RASGEF1C: variants seen among roughly 807,000 people sequenced by gnomAD.
The protein encoded by RASGEF1C is ras-GEF domain-containing family member 1C.
Under a neutral mutation model 58.1 loss-of-function variants are expected in RASGEF1C, and 27 were observed. The ratio of observed to expected loss-of-function variants is 0.46; its 90% CI spans 0.34 to 0.64. The LOEUF (loss-of-function observed/expected upper bound fraction) is 0.64, where lower values mean the gene tolerates loss of function less well. Among genes scored for constraint, RASGEF1C ranks in the 30% least tolerant of loss-of-function variants. The pLI is 0.01. For missense variants in RASGEF1C, 502 were observed against 605.1 expected (o/e 0.83, Z 1.79); for synonymous variants, 243 against 246.3 (o/e 0.99, Z 0.13).
intron 13 of RASGEF1C, 137 bp from the exon 14 acceptor site, chr5:180,101,662 C>CT: frequency 3.6e-6 from 4 of 1,097,006 alleles, no homozygotes; most frequent in Non-Finnish European, 5.3e-6. Flanking sequence ...CTGCAAATCC[C>CT]TGGGGCTCAG....
Position 180,209,121 on chromosome 5 carries a change from C to T in RASGEF1C, c.-100G>A, listed in dbSNP as rs1306150590. ...GGACCGGGGCGCCGCCCGCCGCCGC[C>T]GCCGCCGCCGCCGCCGCCGCCGCCG... is the stretch of plus-strand genomic sequence containing the variant. On this transcript the variant is annotated 5_prime_UTR_variant, in exon 1 of 14. Coordinates refer to ENST00000361132, the MANE Select transcript of RASGEF1C (RefSeq NM_175062.4). 1 of 6,806 alleles carries T rather than the reference C, an allele frequency of 1.5e-4. No homozygotes were observed. Among genetic ancestry groups the T allele is most frequent in the African/African-American group, 3.5e-4 (1 of 2,844 alleles). The allele number at this position is 6,806 out of a possible 1,614,324, so 0.4% of individuals were successfully genotyped here. A position where few individuals can be genotyped will look rare whatever the true frequency, so the allele number is the denominator to read the frequency against.
Position 180,204,876 on chromosome 5 carries a change from G to A in RASGEF1C, c.-7+4152C>T, listed in dbSNP as rs968885022. ...TATTTGAATTTGTAGATGACAGAAT[G>A]ACTAACAGAATCAAAGATATGACTA... On this transcript the variant is annotated intron_variant, in intron 1 of 13. Transcript: ENST00000361132. Among the ~76,000 whole-genome samples the A allele has an allele frequency of 2.0e-5, 3 of 152,266 alleles. No individual in the cohort carries two copies. The East Asian group carries it at 5.8e-4, about 29-fold the overall frequency.
At chr5:180,125,712 G>A (rs1242207680) in intron 6 of RASGEF1C, among the ~76,000 whole-genome samples, 1 of 151,978 alleles carries the variant, frequency 6.6e-6, no homozygotes, top group Non-Finnish European at 1.5e-5. Context: ...AACCCGGGAG[G>A]TGGAGGTTGC....
At chr5:180,153,087 G>C (rs184704983) in intron 1 of RASGEF1C, among the ~76,000 whole-genome samples, 1 of 152,014 alleles carries the variant, frequency 6.6e-6, no homozygotes, top group Non-Finnish European at 1.5e-5. Flanking sequence ...GTCCTTAAAT[G>C]CCTGGCTCCC....
At chr5:180,190,510 AAT>A (rs1317881435) in intron 1 of RASGEF1C, among the ~76,000 whole-genome samples, 6,741 of 85,176 alleles carry the variant, frequency 0.079, 295 homozygotes, top group African/African-American at 0.12. Context: ...AAAAAAAAAT[AAT>A]AATAATAATA....
rs555286153 is a variant in RASGEF1C, at chr5:180,143,981, G to A, written c.-6-5923C>T. On this transcript the variant is annotated intron_variant, in intron 1 of 13. Coordinates refer to ENST00000361132, the MANE Select transcript of RASGEF1C (RefSeq NM_175062.4). The surrounding 1 kb of genome is among the most constrained non-coding windows in gnomAD (Gnocchi z 4.3). ...CCGAAGGCCCCTGTGAGGACCACGC[G>A]CGTGTCTCAGGAAGACACCTGTGAG... 1.3e-5 allele frequency among the ~76,000 whole-genome samples: 2 copies of A among 152,190 alleles called. No homozygotes were observed. Among genetic ancestry groups the A allele is most frequent in the African/African-American group, 2.4e-5 (1 of 41,440 alleles).
chr5:180,173,751 A>G (rs1431870148), intron 1 of RASGEF1C, among the ~76,000 whole-genome samples: 2 of 151,986 alleles, frequency 1.3e-5, no homozygotes, highest in East Asian at 3.9e-4. Context: ...CGTCTCTACT[A>G]AAAATACAGA....
chr5:180,183,622 C>T (rs975490954), intron 1 of RASGEF1C, among the ~76,000 whole-genome samples: 1 of 151,942 alleles, frequency 6.6e-6, no homozygotes, highest in Non-Finnish European at 1.5e-5. Flanking sequence ...GTCGGGAGTA[C>T]AAGACCAGCC....
chr5:180,112,607 G>A lies in RASGEF1C; in HGVS notation c.1180-1027C>T, dbSNP rs147459874. Among the ~76,000 whole-genome samples the A allele has an allele frequency of 3.9e-3, 599 of 152,328 alleles. 2 individuals carry two copies. The highest frequency in any genetic ancestry group is 4.7e-3 in the Non-Finnish European group (318 of 68,028). On this transcript the variant is annotated intron_variant, in intron 11 of 13. Coordinates refer to ENST00000361132, the MANE Select transcript of RASGEF1C (RefSeq NM_175062.4). ...ACCCACTGTGTCACCCACTGCTAAGGCCAACGCTAGGGTGGGGCTGGCTCT... is the reference window on the plus strand; with the variant it reads ...ACCCACTGTGTCACCCACTGCTAAGACCAACGCTAGGGTGGGGCTGGCTCT...
chr5:180,143,057 G>A lies in RASGEF1C; in HGVS notation c.-6-4999C>T, dbSNP rs1054563965. Among the ~76,000 whole-genome samples, 17 of 152,148 alleles carry A rather than the reference G, an allele frequency of 1.1e-4. No homozygotes were observed. Among genetic ancestry groups the A allele is most frequent in the African/African-American group, 3.4e-4 (14 of 41,442 alleles). The stretch of plus-strand genomic sequence containing the variant: ...CAGCCCCTCAGGCATCTCTCCTTGT[G>A]TGTGTCTCCAGGCCCTGCACCTGGA... On this transcript the variant is annotated intron_variant, in intron 1 of 13. Transcript: ENST00000361132. The surrounding 1 kb of genome is among the most constrained non-coding windows in gnomAD (Gnocchi z 4.3).
At chr5:180,154,528 G>C (rs12659393) in intron 1 of RASGEF1C, among the ~76,000 whole-genome samples, 4,987 of 151,824 alleles carry the variant, frequency 0.033, 180 homozygotes, top group East Asian at 0.18. Flanking sequence ...CAAGGGTAAA[G>C]TGGGGTGGAC....
intron 1 of RASGEF1C, among the ~76,000 whole-genome samples, chr5:180,174,622 G>C: frequency 1.4e-5 from 1 of 70,980 alleles, no homozygotes; most frequent in Admixed American, 1.2e-4. Flanking sequence ...GTGTGTCTGT[G>C]TGTGTGTGTG....
At chr5:180,119,221 C>G in intron 8 of RASGEF1C, 125 bp downstream of exon 8, 1 of 830,726 alleles carries the variant, frequency 1.2e-6, no homozygotes, top group South Asian at 1.5e-5. Flanking sequence ...TCAGAGAGCC[C>G]GGCCCACGCC....
Position 180,137,017 on chromosome 5 carries a change from C to A in RASGEF1C, c.301-502G>T, listed in dbSNP as rs1766492620. 6.6e-6 allele frequency among the ~76,000 whole-genome samples: 1 copy of A among 152,144 alleles called. No individual in the cohort carries two copies. The highest frequency in any genetic ancestry group is 2.1e-4 in the South Asian group (1 of 4,830). ...GTGCGGTGGAGGCGGCCAAGCGCCA[C>A]ACCAGCCAGCCCGAGGGAGGCCAGC... On this transcript the variant is annotated intron_variant, in intron 3 of 13. Coordinates refer to ENST00000361132, the MANE Select transcript of RASGEF1C (RefSeq NM_175062.4). The surrounding 1 kb of genome is among the most constrained non-coding windows in gnomAD (Gnocchi z 4.1).
intron 1 of RASGEF1C, among the ~76,000 whole-genome samples, chr5:180,201,068 A>C (rs1466883771): frequency 6.6e-6 from 1 of 152,206 alleles, no homozygotes; most frequent in African/African-American, 2.4e-5. Context: ...AGCGCACTAC[A>C]GCCTGGGTGA....
intron 1 of RASGEF1C, among the ~76,000 whole-genome samples, chr5:180,139,332 T>C (rs1022771634): frequency 6.6e-6 from 1 of 152,228 alleles, no homozygotes; most frequent in Non-Finnish European, 1.5e-5. Context: ...CTATGGACTC[T>C]GAGGCTCCCC....
chr5:180,118,744 G>T, intron 9 of RASGEF1C, 40 bp from the exon 10 acceptor site: 2 of 1,613,886 alleles, frequency 1.2e-6, no homozygotes, highest in Non-Finnish European at 1.7e-6. Context: ...GTTCTGTCCA[G>T]GGGATGGCCG....
rs201488386 is a variant in RASGEF1C, at chr5:180,121,126, G to A, written c.738C>T (p.Ser246=). 14 of 1,613,988 alleles carry A rather than the reference G, an allele frequency of 8.7e-6. No individual in the cohort carries two copies. The highest frequency in any genetic ancestry group is 1.2e-5 in the Non-Finnish European group (14 of 1,179,894). The change falls in exon 7 of 14, where the codon AGC becomes AGT. Residue 246 remains serine, a synonymous_variant. Coordinates refer to ENST00000361132, the MANE Select transcript of RASGEF1C (RefSeq NM_175062.4). ...STKPCFSDKT[S]NLEAYVKWFN... is the part of the protein sequence containing the mutation. ...ACCATTTCACATAAGCCTCCAGGTT[G>A]CTGGTCTTGTCACTGAAGCAGGGCT...
rs573471666 is a variant in RASGEF1C at position 180,117,341 on chromosome 5, C to T, written c.1083+1268G>A. Reference sequence around the variant, plus strand: ...CAAGCGTGCACACCTCAGCTTGCTTCCCAAACCTGCCCACTGGCTTCCCTC... The same window carrying T: ...CAAGCGTGCACACCTCAGCTTGCTTTCCAAACCTGCCCACTGGCTTCCCTC... On this transcript the variant is annotated intron_variant, in intron 10 of 13. Transcript: ENST00000361132. 8.5e-5 allele frequency among the ~76,000 whole-genome samples: 13 copies of T among 152,354 alleles called. No individual in the cohort carries two copies. In the South Asian group the frequency reaches 1.5e-3, roughly 17 times the overall value.
Sources: gnomAD v4.1 joint callset for allele counts (sites outside exome capture counted in the v4.1 genomes callset) on GRCh38, gnomAD v4.1.1 for gene constraint, Gnocchi (gnomAD v3.1) non-coding constraint, MANE v1.5 for transcripts, NCBI Gene and HGNC (gene_info 2026-07-23, HGNC 2026-07-21) for gene names.